Variants in PAK5 observed in about 807,000 individuals in gnomAD.
The protein encoded by PAK5 is p21 (RAC1) activated kinase 5.
Under a neutral mutation model 65.9 loss-of-function variants are expected in PAK5, and 16 were observed. The observed-to-expected ratio is 0.24, with a 90% CI of 0.16 to 0.37. The LOEUF is 0.37. Among genes scored for constraint, PAK5 ranks in the 10% least tolerant of loss-of-function variants. The pLI is 1.00. For synonymous variants in PAK5, 371 were observed against 354.9 expected (o/e 1.05, Z -0.51); for missense variants, 785 against 903.9 (o/e 0.87, Z 1.69).
intron 2 of PAK5, among the ~76,000 whole-genome samples, chr20:9,659,217 A>T (rs2047310922): frequency 6.6e-6 from 1 of 152,240 alleles, no homozygotes; most frequent in Non-Finnish European, 1.5e-5. Context: ...CAAGTTTAAC[A>T]ACATCAGAGC....
chr20:9,786,751 G>A (rs1020568775), intron 1 of PAK5, among the ~76,000 whole-genome samples: 15 of 152,080 alleles, frequency 9.9e-5, no homozygotes, highest in African/African-American at 2.7e-4. Context: ...TGTTAAAATC[G>A]AACTCTTGGG....
chr20:9,748,970 C>T (rs1433613740), intron 1 of PAK5, among the ~76,000 whole-genome samples: 8 of 152,138 alleles, frequency 5.3e-5, no homozygotes. Flanking sequence ...CTGCCAGTAT[C>T]CTCCAAACTT....
intron 7 of PAK5, among the ~76,000 whole-genome samples, chr20:9,545,712 C>T (rs557751161): frequency 2.6e-5 from 4 of 152,180 alleles, no homozygotes; most frequent in Non-Finnish European, 5.9e-5. Context: ...TTAGTTCAGA[C>T]CTTGCTCCTC....
chr20:9,546,115 A>C (rs2045340019), intron 7 of PAK5, among the ~76,000 whole-genome samples: 1 of 152,216 alleles, frequency 6.6e-6, no homozygotes, highest in African/African-American at 2.4e-5. Context: ...TCTGACCCAG[A>C]GACAAGATTC....
intron 4 of PAK5, among the ~76,000 whole-genome samples, chr20:9,576,742 C>T (rs16996091): frequency 0.1 from 15,911 of 152,214 alleles, 1,856 homozygotes; most frequent in African/African-American, 0.29. Context: ...AAGGCTTAAG[C>T]CCAAAGAGTT....
intron 1 of PAK5, among the ~76,000 whole-genome samples, chr20:9,768,402 C>T (rs2048794055): frequency 6.6e-6 from 1 of 151,866 alleles, no homozygotes; most frequent in African/African-American, 2.4e-5. Flanking sequence ...GGTACTATGC[C>T]CATACCTGCT....
At chr20:9,670,307 A>G (rs576584174) in intron 2 of PAK5, among the ~76,000 whole-genome samples, 3 of 152,306 alleles carry the variant, frequency 2.0e-5, no homozygotes, top group Non-Finnish European at 4.4e-5. Flanking sequence ...TGGCTGGGTC[A>G]AATGGTATTT....
At chr20:9,641,627 C>T (rs1311938952) in intron 3 of PAK5, among the ~76,000 whole-genome samples, 2 of 151,988 alleles carry the variant, frequency 1.3e-5, no homozygotes, top group East Asian at 3.9e-4. Flanking sequence ...GGACTGGGCG[C>T]TGTGGAGCAG....
chr20:9,824,168 T>C (rs1335879910), intron 1 of PAK5, among the ~76,000 whole-genome samples: 3 of 152,236 alleles, frequency 2.0e-5, no homozygotes, highest in Non-Finnish European at 4.4e-5. Flanking sequence ...GTATGTGCCA[T>C]AATTCCATAC....
chr20:9,766,114 C>T (rs1341770395), intron 1 of PAK5, among the ~76,000 whole-genome samples: 9 of 151,284 alleles, frequency 5.9e-5, no homozygotes, highest in African/African-American at 7.3e-5. Context: ...CCCAGCTACT[C>T]GGGAGGCTGG....
intron 1 of PAK5, among the ~76,000 whole-genome samples, chr20:9,802,227 T>A (rs2049177518): frequency 6.6e-6 from 1 of 152,036 alleles, no homozygotes. Context: ...ACAAGGACAA[T>A]CTGGGTCAGG....
intron 1 of PAK5, among the ~76,000 whole-genome samples, chr20:9,805,543 A>G (rs548050675): frequency 2.0e-5 from 3 of 152,198 alleles, no homozygotes; most frequent in African/African-American, 7.2e-5. Flanking sequence ...TTCCACCATA[A>G]AAAGGAACAA....
chr20:9,627,745 G>A (rs2046866203), intron 3 of PAK5, among the ~76,000 whole-genome samples: 2 of 151,964 alleles, frequency 1.3e-5, no homozygotes, highest in South Asian at 4.1e-4. Flanking sequence ...TCCTGCCTCA[G>A]CCTCCCGAGT....
intron 3 of PAK5, among the ~76,000 whole-genome samples, chr20:9,642,106 C>T (rs1042103299): frequency 1.3e-5 from 2 of 152,196 alleles, no homozygotes; most frequent in Non-Finnish European, 2.9e-5. Flanking sequence ...GGGGAGGTGC[C>T]GAGAGCAAGC....
At chr20:9,597,103 T>C (rs370739702) in intron 3 of PAK5, among the ~76,000 whole-genome samples, 42 of 152,326 alleles carry the variant, frequency 2.8e-4, no homozygotes, top group Non-Finnish European at 4.7e-4. Flanking sequence ...GGATTATAAA[T>C]CTGGCAATCT....
chr20:9,539,074 GT>G lies in PAK5; in HGVS notation c.*387del, dbSNP rs2045215084. 8.9e-6 allele frequency: 2 copies of G among 223,606 alleles called. No homozygotes were observed. The highest frequency in any genetic ancestry group is 1.7e-5 in the Non-Finnish European group (2 of 116,456). The allele number at this position is 223,606 out of a possible 1,614,324, so 13.9% of individuals were successfully genotyped here. On this transcript the variant is annotated 3_prime_UTR_variant, in exon 10 of 10. Coordinates refer to ENST00000353224, the MANE Select transcript of PAK5 (RefSeq NM_177990.4). ...TACCATTAAGAAAAAAGTGCTTTTT[GT>G]TTTCCTTTCTTTCTTTTTTTTTTTT...
intron 1 of PAK5, among the ~76,000 whole-genome samples, chr20:9,718,905 T>C (rs1335089574): frequency 6.6e-6 from 1 of 152,166 alleles, no homozygotes; most frequent in Non-Finnish European, 1.5e-5. Flanking sequence ...GGTTTGACAG[T>C]GTAAAAGCCA....
chr20:9,645,360 C>T (rs2047119927), intron 2 of PAK5, among the ~76,000 whole-genome samples: 1 of 152,162 alleles, frequency 6.6e-6, no homozygotes, highest in Admixed American at 6.5e-5. Flanking sequence ...CATAAGGTAA[C>T]CTGGGTTTGC....
intron 1 of PAK5, among the ~76,000 whole-genome samples, chr20:9,739,270 G>C (rs2423453): frequency 0.2 from 30,017 of 147,134 alleles, 3,197 homozygotes; most frequent in East Asian, 0.32. Context: ...CATTTTCTAA[G>C]TGCTCACTGA....
Sources: allele counts gnomAD v4.1 joint callset (sites outside exome capture counted in the v4.1 genomes callset), GRCh38; gene constraint gnomAD v4.1.1; transcripts MANE v1.5; gene names NCBI Gene and HGNC (gene_info 2026-07-23, HGNC 2026-07-21).